Variants in KAZN observed in about 807,000 individuals in gnomAD.
KAZN encodes the protein kazrin, periplakin interacting protein.
A neutral mutation model predicts 87.4 loss-of-function variants in KAZN; 40 were observed. That is an observed-to-expected ratio of 0.46 (90% CI 0.36 to 0.60). The LOEUF (loss-of-function observed/expected upper bound fraction) is 0.60. KAZN is among the 20% of genes least tolerant of loss of function. KAZN has a pLI of 0.00. For synonymous variants in KAZN, 466 were observed against 458.3 expected (o/e 1.02, Z -0.22); for missense variants, 898 against 1,073.9 (o/e 0.84, Z 2.29).
At chr1:14,419,636 C>T (rs1167801015) in intron 2 of KAZN, among the ~76,000 whole-genome samples, 1 of 152,168 alleles carries the variant, frequency 6.6e-6, no homozygotes, top group African/African-American at 2.4e-5. Context: ...GGAGTTTGTT[C>T]CTTCTGATTT....
At chr1:14,015,722 C>T (rs1476134657) in intron 1 of KAZN, among the ~76,000 whole-genome samples, 2 of 150,042 alleles carry the variant, frequency 1.3e-5, no homozygotes, top group Non-Finnish European at 3.0e-5. Flanking sequence ...ACCAGCCTGG[C>T]CAATGTGGTG....
chr1:14,789,071 T>C (rs1645595450), intron 1 of KAZN, among the ~76,000 whole-genome samples: 1 of 152,214 alleles, frequency 6.6e-6, no homozygotes, highest in African/African-American at 2.4e-5. Flanking sequence ...CGGGTTAGTT[T>C]TGATATGCGG....
chr1:14,697,175 A>C (rs901692917), intron 1 of KAZN, among the ~76,000 whole-genome samples: 2 of 151,374 alleles, frequency 1.3e-5, no homozygotes, highest in Non-Finnish European at 2.9e-5. Flanking sequence ...AAAGAAAAGA[A>C]ATAATTGACC....
intron 1 of KAZN, among the ~76,000 whole-genome samples, chr1:14,637,212 A>T (rs1680058502): frequency 6.6e-6 from 1 of 152,144 alleles, no homozygotes; most frequent in Non-Finnish European, 1.5e-5. Flanking sequence ...GTAAGGGGTG[A>T]TGTAAATGGG....
intron 2 of KAZN, among the ~76,000 whole-genome samples, chr1:14,514,087 G>C (rs761118540): frequency 6.7e-5 from 10 of 149,950 alleles, no homozygotes; most frequent in Non-Finnish European, 1.5e-4. Flanking sequence ...TTGGGAGGCC[G>C]AGGCAGGTGG....
intron 1 of KAZN, among the ~76,000 whole-genome samples, chr1:14,164,318 A>G (rs1645772924): frequency 6.6e-6 from 1 of 152,130 alleles, no homozygotes; most frequent in African/African-American, 2.4e-5. Flanking sequence ...TAGATGGCAC[A>G]TTCACATGGC....
At chr1:14,465,966 T>C (rs1357614444) in intron 2 of KAZN, among the ~76,000 whole-genome samples, 1 of 152,204 alleles carries the variant, frequency 6.6e-6, no homozygotes, top group Non-Finnish European at 1.5e-5. Flanking sequence ...CAAATACTCC[T>C]CATTATGTTA....
intron 2 of KAZN, among the ~76,000 whole-genome samples, chr1:14,512,334 G>A (rs1447160444): frequency 2.6e-5 from 4 of 152,058 alleles, no homozygotes; most frequent in Admixed American, 6.6e-5. Context: ...GTTGTGGGGC[G>A]CATTGTAGGA....
At chr1:14,945,199 C>G (rs190888010) in intron 1 of KAZN, among the ~76,000 whole-genome samples, 31 of 152,202 alleles carry the variant, frequency 2.0e-4, no homozygotes, top group Non-Finnish European at 4.4e-4. Flanking sequence ...CTGCAGGCCT[C>G]GCAGCTATAG....
At chr1:14,384,894 C>T (rs1188149559) in intron 2 of KAZN, among the ~76,000 whole-genome samples, 3 of 151,758 alleles carry the variant, frequency 2.0e-5, no homozygotes, top group Non-Finnish European at 4.4e-5. Flanking sequence ...AGGAATGGTA[C>T]CAGTTCCTCC....
intron 2 of KAZN, among the ~76,000 whole-genome samples, chr1:14,260,322 T>C (rs1490291375): frequency 6.6e-6 from 1 of 151,972 alleles, no homozygotes; most frequent in African/African-American, 2.4e-5. Flanking sequence ...GGTAAGTGCT[T>C]GGAGAACAGG....
At chr1:13,907,292 T>A (rs1218335593) in intron 1 of KAZN, among the ~76,000 whole-genome samples, 1 of 152,108 alleles carries the variant, frequency 6.6e-6, no homozygotes. Flanking sequence ...GTATTAGGGA[T>A]CAGTTGGCGA....
chr1:14,051,942 A>G (rs191362346), intron 1 of KAZN, among the ~76,000 whole-genome samples: 1 of 152,340 alleles, frequency 6.6e-6, no homozygotes, highest in East Asian at 1.9e-4. Context: ...AGCTCTTCCA[A>G]GCCTTATGTT....
At position 15,066,824 on chromosome 1, in the gene KAZN, G is replaced by C. The variant is rs949519803; in HGVS notation, c.1222+1071G>C. On this transcript the variant is annotated intron_variant, in intron 8 of 14. Coordinates refer to ENST00000376030, the MANE Select transcript of KAZN (RefSeq NM_201628.3). This position sits in a 1 kb window ranked among gnomAD's most constrained non-coding sequence, Gnocchi z 4.3. ...GGTTCTTCTCTCTCCTTCTCTCTCT[G>C]TCTCTCCCATTCTCCTGCCCATGCA... is the stretch of plus-strand genomic sequence containing the variant. 9 of 985,248 alleles carry C rather than the reference G, an allele frequency of 9.1e-6. No homozygotes were observed. The highest frequency in any genetic ancestry group is 9.6e-6 in the Non-Finnish European group (8 of 829,988). 61.0% of individuals were successfully genotyped at this position (985,248 alleles called of 1,614,324 possible). A position where few individuals can be genotyped will look rare whatever the true frequency, so the allele number is the denominator to read the frequency against.
In KAZN at chr1:14,128,685, C is replaced by T. The variant is rs150390581; in HGVS notation, c.92-51750C>T. Among the ~76,000 whole-genome samples the T allele has an allele frequency of 2.3e-3, 356 of 152,204 alleles. 2 individuals carry two copies. The highest frequency in any genetic ancestry group is 8.0e-3 in the African/African-American group (332 of 41,526). On this transcript the variant is annotated intron_variant, in intron 1 of 16. Transcript: ENST00000636203. ...CCAAATCTAGTCACATTATGAGATA[C>T]TGGGGGTTAGGACTTGAACATATGA...
intron 1 of KAZN, among the ~76,000 whole-genome samples, chr1:13,966,952 A>G (rs972379421): frequency 1.3e-5 from 2 of 152,090 alleles, no homozygotes; most frequent in Non-Finnish European, 2.9e-5. Context: ...ACTGGTCTAC[A>G]ATGTATGTCT....
In KAZN at chr1:14,268,663, G is replaced by GAT. The variant is rs371445639; in HGVS notation, c.249+88078_249+88079dup. On this transcript the variant is annotated intron_variant, in intron 2 of 16. Transcript: ENST00000636203. ...TTCAACTTGAAGTTTAATAGGTGATGATATATATGTATATATGCGACCATG... is the reference window on the plus strand; with the variant it reads ...TTCAACTTGAAGTTTAATAGGTGATGATATATATATGTATATATGCGACCATG... Among the ~76,000 whole-genome samples, 84 of 152,180 alleles carry GAT rather than the reference G, an allele frequency of 5.5e-4. 2 individuals are homozygous for GAT. Among genetic ancestry groups the GAT allele is most frequent in the Middle Eastern group, 3.4e-3 (1 of 294 alleles).
Position 14,272,168 on chromosome 1 carries a change from C to T in KAZN, c.249+91576C>T, listed in dbSNP as rs72865789. 1.8e-3 allele frequency among the ~76,000 whole-genome samples: 278 copies of T among 152,330 alleles called. 3 individuals carry two copies. Among genetic ancestry groups the T allele is most frequent in the African/African-American group, 6.4e-3 (268 of 41,572 alleles). On this transcript the variant is annotated intron_variant, in intron 2 of 16. Coordinates refer to the KAZN transcript ENST00000636203. ...AACAAATTACCCCCAAACTCACACT[C>T]ATTTGTTCTCATGAATCTAGATTAT...
Position 14,985,944 on chromosome 1 carries a change from A to C in KAZN, c.418+25069A>C, listed in dbSNP as rs571434199. On this transcript the variant is annotated intron_variant, in intron 2 of 14. Transcript: ENST00000376030. ...CTTGAACCCAGGAGGCGGAGGCTGC[A>C]GTGAGCCAAGATCACGCCACTGCAC... 3.4e-3 allele frequency among the ~76,000 whole-genome samples: 493 copies of C among 143,874 alleles called. 2 individuals carry two copies. Among genetic ancestry groups the C allele is most frequent in the African/African-American group, 0.012 (461 of 38,604 alleles). 94.4% of individuals were successfully genotyped at this position (143,874 alleles called of 152,430 possible).
Sources: allele counts gnomAD v4.1 joint callset (sites outside exome capture counted in the v4.1 genomes callset), GRCh38; gene constraint gnomAD v4.1.1; non-coding constraint Gnocchi (gnomAD v3.1); transcripts MANE v1.5; gene names NCBI Gene and HGNC (gene_info 2026-07-23, HGNC 2026-07-21).